The following MYO18B variants were observed in gnomAD, a reference collection of about 807,000 sequenced individuals.
MYO18B encodes unconventional myosin-XVIIIb.
In MYO18B, 204 loss-of-function variants were observed where a neutral mutation model predicts 273.0. The ratio of observed to expected loss-of-function variants is 0.75; its 90% CI spans 0.67 to 0.84. The LOEUF (loss-of-function observed/expected upper bound fraction) is 0.84, where lower values mean the gene tolerates loss of function less well. Among genes scored for constraint, MYO18B ranks in the 40% least tolerant of loss-of-function variants. The pLI is 0.00. For missense variants in MYO18B, 3,212 were observed against 3,287.6 expected, an observed-to-expected ratio of 0.98 and a Z score of 0.56; for synonymous variants, 1,330 against 1,305.7, an observed-to-expected ratio of 1.02 and a Z score of -0.40.
intron 12 of MYO18B, among the ~76,000 whole-genome samples, chr22:25,805,543 C>T (rs542163710): frequency 2.0e-5 from 3 of 152,244 alleles, no homozygotes; most frequent in East Asian, 3.9e-4. Context: ...GGAATGGCTT[C>T]CCAGCTAGTC....
At position 26,026,808 on chromosome 22, in the gene MYO18B, C is replaced by G. The variant is rs1181085357; in HGVS notation, c.6834C>G (p.Leu2278=). 16 of 1,594,916 alleles carry G rather than the reference C, an allele frequency of 1.0e-5. No homozygotes were observed. Among genetic ancestry groups the G allele is most frequent in the Non-Finnish European group, 1.4e-5 (16 of 1,170,962 alleles). ...TGGGCCTAGAGGACTGGCCCACTCT[C>G]CCCATTTACCAGACGACTGGGGCCT... ...STLGLEDWPT[L]PIYQTTGAST... is the part of the protein sequence containing the mutation. The change falls in exon 43 of 44, where the codon CTC becomes CTG. Residue 2278 remains leucine (L), a synonymous_variant. Coordinates refer to ENST00000335473, the MANE Select transcript of MYO18B (RefSeq NM_032608.7).
At chr22:25,810,407 CT>C (rs557370446) in intron 12 of MYO18B, among the ~76,000 whole-genome samples, 5,309 of 111,184 alleles carry the variant, frequency 0.048, 268 homozygotes, top group East Asian at 0.14. Context: ...CTCCTTCAGG[CT>C]TTTTTTTTTT....
the MYO18B span, among the ~76,000 whole-genome samples, chr22:26,051,244 G>C: frequency 1.1e-5 from 1 of 92,810 alleles, no homozygotes; most frequent in Non-Finnish European, 1.9e-5. Context: ...TTTTTTTTGA[G>C]ACGGAGTCTC....
chr22:25,789,650 C>T lies in MYO18B; in HGVS notation c.2376+4159C>T, dbSNP rs185276786. Among the ~76,000 whole-genome samples the T allele has an allele frequency of 1.2e-4, 17 of 137,178 alleles. No homozygotes were observed. The East Asian group carries it at 1.5e-3, about 12-fold the overall frequency. The allele number at this position is 137,178 out of a possible 152,430, so 90.0% of individuals were successfully genotyped here. The stretch of plus-strand genomic sequence containing the variant: ...GACTGTCTCAAGAAAAAAAAAATAA[C>T]GAAATTACTACATACTTCCTATGGA... On this transcript the variant is annotated intron_variant, in intron 11 of 43. Coordinates refer to ENST00000335473, the MANE Select transcript of MYO18B (RefSeq NM_032608.7).
At chr22:25,930,843 C>G (rs545484007) in intron 34 of MYO18B, among the ~76,000 whole-genome samples, 2 of 152,276 alleles carry the variant, frequency 1.3e-5, no homozygotes, top group African/African-American at 4.8e-5. Context: ...GGTGGAGCCA[C>G]AAAGCCTTGT....
At chr22:25,915,368 C>A (rs1223079084) in intron 33 of MYO18B, among the ~76,000 whole-genome samples, 1 of 152,170 alleles carries the variant, frequency 6.6e-6, no homozygotes, top group Non-Finnish European at 1.5e-5. Flanking sequence ...CTGATATAGT[C>A]TATTGCTCCT....
At chr22:25,995,282 A>G (rs1263725356) in intron 40 of MYO18B, among the ~76,000 whole-genome samples, 1 of 152,214 alleles carries the variant, frequency 6.6e-6, no homozygotes, top group Non-Finnish European at 1.5e-5. Context: ...TGGGATGGCT[A>G]ATGGGTACAA....
At chr22:25,783,386 T>C (rs1313948146) in intron 10 of MYO18B, among the ~76,000 whole-genome samples, 3 of 152,226 alleles carry the variant, frequency 2.0e-5, no homozygotes. Context: ...TGCATAGTAA[T>C]GGTGTAATGT....
chr22:25,779,893 G>C (rs1300234276), intron 8 of MYO18B, among the ~76,000 whole-genome samples, 163 bp from the exon 9 acceptor site: 1 of 152,198 alleles, frequency 6.6e-6, no homozygotes, highest in Non-Finnish European at 1.5e-5. Flanking sequence ...AGTTGGGTTG[G>C]GCAGGGAGTG....
At chr22:25,919,432 CATA>C (rs1355664404) in intron 33 of MYO18B, among the ~76,000 whole-genome samples, 1 of 152,182 alleles carries the variant, frequency 6.6e-6, no homozygotes, top group African/African-American at 2.4e-5. Flanking sequence ...AAATGGGAAT[CATA>C]ATACTATACA....
chr22:26,053,679 G>C, the MYO18B span, among the ~76,000 whole-genome samples: 3,807 of 152,274 alleles, frequency 0.025, 146 homozygotes, highest in African/African-American at 0.086. Context: ...AATTGCATAA[G>C]GGTGATCAGG....
In MYO18B at chr22:25,903,705, G is replaced by T. The variant is rs781741802; in HGVS notation, c.5022G>T (p.Gly1674=). ...AGGACCATAAACGGGAGCTGCTGGG[G>T]TCACCCTCTCTGGGGGAAAATTGCG... is the stretch of plus-strand genomic sequence containing the variant. ...MLQDHKRELL[G]SPSLGENCVA... Residue 1674 remains glycine, a synonymous_variant, in exon 31 of 44, where the codon GGG becomes GGT. Coordinates refer to ENST00000335473, the MANE Select transcript of MYO18B (RefSeq NM_032608.7). The T allele has an allele frequency of 7.2e-5, 116 of 1,609,446 alleles. 2 individuals carry two copies. The South Asian group carries it at 1.3e-3, about 18-fold the overall frequency.
At chr22:25,982,227 A>G (rs374820431) in intron 39 of MYO18B, among the ~76,000 whole-genome samples, 19 of 152,212 alleles carry the variant, frequency 1.2e-4, no homozygotes, top group African/African-American at 4.6e-4. Flanking sequence ...ACACAGATCC[A>G]AACCACATCA....
intron 12 of MYO18B, among the ~76,000 whole-genome samples, chr22:25,810,526 C>T (rs2088700815): frequency 6.6e-6 from 1 of 150,594 alleles, no homozygotes; most frequent in Admixed American, 6.6e-5. Flanking sequence ...CTCTGCCTCC[C>T]AGTTTCAAGC....
intron 11 of MYO18B, among the ~76,000 whole-genome samples, chr22:25,786,606 A>G (rs1486928256): frequency 6.6e-6 from 1 of 152,216 alleles, no homozygotes; most frequent in Admixed American, 6.5e-5. Flanking sequence ...GGTGAGAAAA[A>G]TCTCTGTAAC....
At chr22:25,846,952 A>AT (rs2146019228) in intron 19 of MYO18B, among the ~76,000 whole-genome samples, 1 of 152,044 alleles carries the variant, frequency 6.6e-6, no homozygotes, top group Admixed American at 6.5e-5. Context: ...GTGGTGATGC[A>AT]TGTCTGTAGT....
chr22:25,861,245 CA>C (rs2090726516), intron 21 of MYO18B, among the ~76,000 whole-genome samples: 1 of 152,126 alleles, frequency 6.6e-6, no homozygotes, highest in African/African-American at 2.4e-5. Flanking sequence ...TTACGCTCTC[CA>C]ACTATTAATG....
chr22:25,770,227 C>G (rs2086669515), intron 5 of MYO18B, 51 bp downstream of exon 5: 2 of 1,564,166 alleles, frequency 1.3e-6, no homozygotes, highest in Non-Finnish European at 1.8e-6. Flanking sequence ...CTCCTGTGCC[C>G]CCTACTGCTG....
Position 25,990,551 on chromosome 22 carries a change from G to A in MYO18B, c.6157-1812G>A, listed in dbSNP as rs149154696. ...AAAATACATAAATTAGCCAAGTGTGGTCGTGGGTGCCTGTAATCCCATCTA... is the reference window on the plus strand; with the variant it reads ...AAAATACATAAATTAGCCAAGTGTGATCGTGGGTGCCTGTAATCCCATCTA... On this transcript the variant is annotated intron_variant, in intron 39 of 43. Coordinates refer to ENST00000335473, the MANE Select transcript of MYO18B (RefSeq NM_032608.7). 1.6e-4 allele frequency among the ~76,000 whole-genome samples: 25 copies of A among 151,968 alleles called. No homozygotes were observed. In the East Asian group the frequency reaches 4.3e-3, roughly 26 times the overall value.
Sources: gnomAD v4.1 joint callset for allele counts (sites outside exome capture counted in the v4.1 genomes callset) on GRCh38, gnomAD v4.1.1 for gene constraint, MANE v1.5 for transcripts, NCBI Gene and HGNC (gene_info 2026-07-23, HGNC 2026-07-21) for gene names.